The following HCRTR2 variants were observed in gnomAD, a reference collection of about 807,000 sequenced individuals.
HCRTR2 encodes orexin receptor type 2.
A neutral mutation model predicts 49.0 loss-of-function variants in HCRTR2; 22 were observed. The ratio of observed to expected loss-of-function variants is 0.45; its 90% confidence interval spans 0.32 to 0.64. HCRTR2 has a LOEUF of 0.64. HCRTR2 is among the 30% of genes least tolerant of loss of function. HCRTR2 has a pLI of 0.04. For missense variants in HCRTR2, 491 were observed against 559.4 expected (o/e 0.88, Z 1.23); for synonymous variants, 236 against 205.3 (o/e 1.15, Z -1.28).
upstream of HCRTR2, among the ~76,000 whole-genome samples, chr6:55,170,026 A>C (rs1429144520): frequency 7.2e-6 from 1 of 139,584 alleles, no homozygotes; most frequent in African/African-American, 2.7e-5. Context: ...GAGATCTCTA[A>C]ACAACCTACC....
chr6:55,234,925 C>T (rs1416382589), intron 1 of HCRTR2, among the ~76,000 whole-genome samples: 1 of 152,048 alleles, frequency 6.6e-6, no homozygotes, highest in Non-Finnish European at 1.5e-5. Flanking sequence ...TACAATAGCC[C>T]TGAATTAGAA....
At chr6:55,197,521 A>G (rs898281547) in intron 1 of HCRTR2, among the ~76,000 whole-genome samples, 3 of 152,084 alleles carry the variant, frequency 2.0e-5, no homozygotes, top group African/African-American at 7.2e-5. Context: ...GTCTAACACG[A>G]CCTCTAACCC....
At chr6:55,242,237 A>T (rs1355182252) in intron 1 of HCRTR2, among the ~76,000 whole-genome samples, 1 of 152,186 alleles carries the variant, frequency 6.6e-6, no homozygotes, top group African/African-American at 2.4e-5. Flanking sequence ...ATCAGTTTTA[A>T]GTGTATAGTT....
chr6:55,134,844 T>A (rs926949220), intron 1 of HCRTR2, among the ~76,000 whole-genome samples: 1 of 152,000 alleles, frequency 6.6e-6, no homozygotes, highest in African/African-American at 2.4e-5. Flanking sequence ...TATTTCATTC[T>A]CTCTCTCTTT....
intron 1 of HCRTR2, among the ~76,000 whole-genome samples, chr6:55,240,612 A>T (rs1308788964): frequency 1.3e-5 from 2 of 152,140 alleles, no homozygotes; most frequent in African/African-American, 4.8e-5. Context: ...GAGTAAAACT[A>T]GCAATAGAAA....
chr6:55,277,621 GA>G (rs1767104076), intron 5 of HCRTR2, 21 bp downstream of exon 5: 1 of 1,516,276 alleles, frequency 6.6e-7, no homozygotes, highest in Non-Finnish European at 9.2e-7. Context: ...TCTGTTATTT[GA>G]AAATGAAATA....
chr6:55,160,263 A>C (rs932844035), intron 1 of HCRTR2, among the ~76,000 whole-genome samples: 2 of 152,190 alleles, frequency 1.3e-5, no homozygotes, highest in Admixed American at 1.3e-4. Context: ...GAGAAATAAA[A>C]TCCTTTACAG....
chr6:55,123,616 G>A (rs1764232250), intron 1 of HCRTR2, among the ~76,000 whole-genome samples: 1 of 152,028 alleles, frequency 6.6e-6, no homozygotes, highest in African/African-American at 2.4e-5. Context: ...GCCAGGTTTT[G>A]CTATTAGGGT....
intron 2 of HCRTR2, 59 bp from the exon 3 acceptor site, chr6:55,255,077 A>T (rs569414964): frequency 1.3e-6 from 2 of 1,578,878 alleles, no homozygotes; most frequent in Non-Finnish European, 1.7e-6. Flanking sequence ...TAAATATATT[A>T]AGAGTAATTC....
rs1167981530 is a variant in HCRTR2, at chr6:55,240,357, C to CAAAA, written c.224-8258_224-8255dup. 2.0e-4 allele frequency among the ~76,000 whole-genome samples: 9 copies of CAAAA among 46,000 alleles called. 1 individual carries two copies. Among genetic ancestry groups the CAAAA allele is most frequent in the Admixed American group, 1.5e-3 (4 of 2,646 alleles). The allele number at this position is 46,000 out of a possible 152,430, so 30.2% of individuals were successfully genotyped here. A position where few individuals can be genotyped will look rare whatever the true frequency, so the allele number is the denominator to read the frequency against. On this transcript the variant is annotated intron_variant, in intron 1 of 6. Coordinates refer to ENST00000370862, the MANE Select transcript of HCRTR2 (RefSeq NM_001384272.1). ...TGGACGAAAGAGCGAGACTCCAGCT[C>CAAAA]AAAAAAAAAAAAAAAAAAAAAAAAA... is the stretch of plus-strand genomic sequence containing the variant.
At chr6:55,278,998 C>CT (rs1454034946) in intron 5 of HCRTR2, among the ~76,000 whole-genome samples, 2 of 151,800 alleles carry the variant, frequency 1.3e-5, no homozygotes, top group Non-Finnish European at 2.9e-5. Flanking sequence ...TTTCCAACTA[C>CT]TTTTTTTGTC....
intron 1 of HCRTR2, among the ~76,000 whole-genome samples, chr6:55,243,094 G>C (rs1255301739): frequency 6.6e-6 from 1 of 152,114 alleles, no homozygotes; most frequent in Non-Finnish European, 1.5e-5. Flanking sequence ...GAAAGAACCG[G>C]TAAGACAAAT....
chr6:55,152,989 G>A, intron 1 of HCRTR2, among the ~76,000 whole-genome samples: 1 of 151,916 alleles, frequency 6.6e-6, no homozygotes, highest in Admixed American at 6.6e-5. Context: ...GTTTTTCCCT[G>A]TGTGCGTGTT....
intron 1 of HCRTR2, among the ~76,000 whole-genome samples, chr6:55,153,816 A>G (rs940100046): frequency 6.6e-6 from 1 of 151,886 alleles, no homozygotes; most frequent in African/African-American, 2.4e-5. Flanking sequence ...TAAATAATAT[A>G]GAGAATGAAA....
intron 1 of HCRTR2, among the ~76,000 whole-genome samples, chr6:55,203,604 T>C (rs1040154324): frequency 6.6e-6 from 1 of 152,074 alleles, no homozygotes; most frequent in Admixed American, 6.6e-5. Context: ...CCTGTTCGGG[T>C]ATGGGTTCAA....
intron 1 of HCRTR2, among the ~76,000 whole-genome samples, chr6:55,186,743 G>T (rs995038395): frequency 2.6e-5 from 4 of 152,176 alleles, no homozygotes; most frequent in African/African-American, 9.6e-5. Flanking sequence ...AGGTGAAACA[G>T]CTGTGACAGA....
At chr6:55,132,369 C>T (rs1389972359) in intron 1 of HCRTR2, among the ~76,000 whole-genome samples, 3 of 151,648 alleles carry the variant, frequency 2.0e-5, no homozygotes, top group African/African-American at 7.3e-5. Flanking sequence ...AGTGCAGTAG[C>T]GAGAAGGATT....
At chr6:55,255,443 G>A in intron 3 of HCRTR2, 64 bp downstream of exon 3, 1 of 1,567,308 alleles carries the variant, frequency 6.4e-7, no homozygotes, top group South Asian at 1.1e-5. Flanking sequence ...AATTGGATTA[G>A]CATAGCCATT....
chr6:55,158,510 C>A (rs189150943), intron 1 of HCRTR2, among the ~76,000 whole-genome samples: 1 of 152,160 alleles, frequency 6.6e-6, no homozygotes, highest in Non-Finnish European at 1.5e-5. Context: ...TGGTCTAGCT[C>A]GGTGGATCCC....
Sources: allele counts gnomAD v4.1 joint callset (sites outside exome capture counted in the v4.1 genomes callset), GRCh38; gene constraint gnomAD v4.1.1; transcripts MANE v1.5; gene names NCBI Gene and HGNC (gene_info 2026-07-23, HGNC 2026-07-21).